CPQ: variants seen among roughly 807,000 people sequenced by gnomAD.
The protein encoded by CPQ is carboxypeptidase Q.
A neutral mutation model predicts 45.7 loss-of-function variants in CPQ; 37 were observed. The observed-to-expected ratio is 0.81, with a 90% CI of 0.62 to 1.07. CPQ has a LOEUF of 1.07. CPQ is among the 50% of genes least tolerant of loss of function. The probability of loss-of-function intolerance (pLI) is 0.00; values close to 1 mark genes in which losing one functional copy is unlikely to be tolerated. For synonymous variants in CPQ, 186 were observed against 205.8 expected, an observed-to-expected ratio of 0.90 and a Z score of 0.82; for missense variants, 537 against 572.9, an observed-to-expected ratio of 0.94 and a Z score of 0.64.
intron 3 of CPQ, among the ~76,000 whole-genome samples, chr8:96,846,363 A>G (rs776134221): frequency 1.3e-5 from 2 of 152,154 alleles, no homozygotes; most frequent in Non-Finnish European, 1.5e-5. Context: ...AGTTCTTTAT[A>G]TAATTTAGAT....
chr8:97,119,622 G>GTGT, intron 7 of CPQ, among the ~76,000 whole-genome samples: 1 of 152,272 alleles, frequency 6.6e-6, no homozygotes, highest in African/African-American at 2.4e-5. Flanking sequence ...GATGACTGAT[G>GTGT]TGTTATTATT....
At position 97,142,471 on chromosome 8, in the gene CPQ, G is replaced by A. The variant is rs76155127; in HGVS notation, c.1256-549G>A. Among the ~76,000 whole-genome samples the A allele has an allele frequency of 5.1e-3, 774 of 152,314 alleles. 3 individuals carry two copies. Among genetic ancestry groups the A allele is most frequent in the Non-Finnish European group, 7.4e-3 (502 of 68,022 alleles). ...ATGGATGATTTGAGAAGGAAAACTT[G>A]AACAAAGGGGTATTGGCTTTCTTTT... On this transcript the variant is annotated intron_variant, in intron 7 of 7. Transcript: ENST00000220763.
chr8:96,806,909 G>A (rs1811086657), intron 2 of CPQ, among the ~76,000 whole-genome samples: 1 of 152,188 alleles, frequency 6.6e-6, no homozygotes, highest in East Asian at 1.9e-4. Flanking sequence ...TCCATGATGT[G>A]ATTATTATAC....
intron 4 of CPQ, among the ~76,000 whole-genome samples, chr8:96,903,167 C>T (rs1241145362): frequency 6.6e-6 from 1 of 152,218 alleles, no homozygotes; most frequent in South Asian, 2.1e-4. Flanking sequence ...CTTCAGTTGG[C>T]GTTGCTTGGC....
chr8:97,084,096 G>A lies in CPQ; in HGVS notation c.1255+17886G>A, dbSNP rs1436739636. Among the ~76,000 whole-genome samples the A allele has an allele frequency of 1.2e-4, 18 of 152,182 alleles. 1 individual carries two copies. The highest frequency in any genetic ancestry group is 1.5e-5 in the Non-Finnish European group (1 of 68,008). ...TACTCATAAACTTTTAGGAGCAAGAGATGAAATAGCACAAAACTGCCTATA... is the reference window on the plus strand; with the variant it reads ...TACTCATAAACTTTTAGGAGCAAGAAATGAAATAGCACAAAACTGCCTATA... On this transcript the variant is annotated intron_variant, in intron 7 of 7. Coordinates refer to ENST00000220763, the MANE Select transcript of CPQ (RefSeq NM_016134.4).
chr8:96,972,469 G>T (rs1361229494), intron 5 of CPQ, among the ~76,000 whole-genome samples: 1 of 152,164 alleles, frequency 6.6e-6, no homozygotes, highest in Admixed American at 6.5e-5. Flanking sequence ...GGAGCTCTAT[G>T]GCCCTACCTA....
intron 6 of CPQ, among the ~76,000 whole-genome samples, chr8:97,030,318 T>C (rs529438682): frequency 1.3e-5 from 2 of 152,180 alleles, no homozygotes; most frequent in African/African-American, 4.8e-5. Context: ...GCTTAAATTA[T>C]CCAAATCGGA....
intron 5 of CPQ, among the ~76,000 whole-genome samples, chr8:96,988,190 T>C (rs1449404091): frequency 6.6e-6 from 1 of 152,220 alleles, no homozygotes; most frequent in African/African-American, 2.4e-5. Flanking sequence ...TGCTCTTTTT[T>C]TCTTACCCTT....
At chr8:96,777,520 T>C (rs1285177626) in intron 1 of CPQ, among the ~76,000 whole-genome samples, 1 of 151,758 alleles carries the variant, frequency 6.6e-6, no homozygotes, top group African/African-American at 2.4e-5. Context: ...AAGGACAACA[T>C]ATGAAGTTCC....
At chr8:96,941,478 A>G (rs1385948683) in intron 4 of CPQ, among the ~76,000 whole-genome samples, 3 of 152,244 alleles carry the variant, frequency 2.0e-5, no homozygotes, top group East Asian at 3.9e-4. Flanking sequence ...TTTGCACTCT[A>G]TAAAGAGTTC....
At chr8:96,693,912 T>G (rs1809337184) in intron 1 of CPQ, among the ~76,000 whole-genome samples, 1 of 152,126 alleles carries the variant, frequency 6.6e-6, no homozygotes, top group South Asian at 2.1e-4. Context: ...CTGCAACTCT[T>G]CAAGATGTAG....
intron 3 of CPQ, among the ~76,000 whole-genome samples, chr8:96,862,200 C>T (rs1302104216): frequency 6.6e-6 from 1 of 151,798 alleles, no homozygotes; most frequent in Non-Finnish European, 1.5e-5. Flanking sequence ...CTTATGCATA[C>T]GGGACCATGC....
chr8:97,019,894 A>G (rs1809647102), intron 5 of CPQ, among the ~76,000 whole-genome samples: 1 of 152,108 alleles, frequency 6.6e-6, no homozygotes, highest in Non-Finnish European at 1.5e-5. Flanking sequence ...TATTTACAGA[A>G]CATTCTACCC....
chr8:96,903,526 A>G (rs962214456), intron 4 of CPQ, among the ~76,000 whole-genome samples: 2 of 152,212 alleles, frequency 1.3e-5, no homozygotes, highest in Admixed American at 6.5e-5. Flanking sequence ...ACTGCCTGTT[A>G]TGCCTGTCTC....
chr8:96,912,800 A>G (rs907973048), intron 4 of CPQ, among the ~76,000 whole-genome samples: 23 of 152,310 alleles, frequency 1.5e-4, no homozygotes, highest in Admixed American at 5.2e-4. Context: ...CCTCGGCTAC[A>G]TAGAATGATT....
chr8:96,908,763 ACACACACACACACACC>A (rs1812616836), intron 4 of CPQ, among the ~76,000 whole-genome samples: 1 of 151,648 alleles, frequency 6.6e-6, no homozygotes, highest in Non-Finnish European at 1.5e-5. Flanking sequence ...ACACACACAC[ACACACACACACACACC>A]ATATATTCTG....
intron 4 of CPQ, among the ~76,000 whole-genome samples, chr8:96,897,498 C>T (rs1465111416): frequency 6.6e-6 from 1 of 152,080 alleles, no homozygotes; most frequent in Non-Finnish European, 1.5e-5. Context: ...TTTTGAGTAC[C>T]AACATGACTC....
intron 5 of CPQ, among the ~76,000 whole-genome samples, chr8:96,981,725 A>G (rs1236825397): frequency 6.6e-6 from 1 of 152,238 alleles, no homozygotes; most frequent in Non-Finnish European, 1.5e-5. Flanking sequence ...GATGCAAAAC[A>G]TCTACCTAAG....
At chr8:96,902,631 T>G (rs1812525822) in intron 4 of CPQ, among the ~76,000 whole-genome samples, 1 of 152,156 alleles carries the variant, frequency 6.6e-6, no homozygotes, top group Non-Finnish European at 1.5e-5. Flanking sequence ...CTCAGGGAAC[T>G]TCCCCCTTGC....
Sources: allele counts gnomAD v4.1 joint callset (sites outside exome capture counted in the v4.1 genomes callset), GRCh38; gene constraint gnomAD v4.1.1; transcripts MANE v1.5; gene names NCBI Gene and HGNC (gene_info 2026-07-23, HGNC 2026-07-21).